Variants in BACH2 observed in about 807,000 individuals in gnomAD.
The protein encoded by BACH2 is transcription regulator protein BACH2.
In BACH2, 5 loss-of-function variants were observed where a neutral mutation model predicts 61.8. The observed-to-expected ratio is 0.08, with a 90% CI of 0.04 to 0.17. BACH2 has a LOEUF of 0.17. Ranked by LOEUF, BACH2 falls within the 10% of genes least tolerant of loss-of-function variation. The probability of loss-of-function intolerance (pLI) is 1.00; values close to 1 mark genes in which losing one functional copy is unlikely to be tolerated. For synonymous variants in BACH2, 446 were observed against 440.1 expected, an observed-to-expected ratio of 1.01 and a Z score of -0.17; for missense variants, 824 against 1,091.1, an observed-to-expected ratio of 0.76 and a Z score of 3.45.
rs953140197 is a variant in BACH2 at position 89,964,537 on chromosome 6, C to T, written c.244-12675G>A. 6.6e-5 allele frequency among the ~76,000 whole-genome samples: 10 copies of T among 152,208 alleles called. No homozygotes were observed. The East Asian group carries it at 1.4e-3, about 21-fold the overall frequency. ...TTCATGTTCTTTAAGATGATACTGC[C>T]GCTTTCTTCTAAAGATCTTCTCATG... On this transcript the variant is annotated intron_variant, in intron 6 of 8. Transcript: ENST00000257749.
At chr6:90,050,030 C>A (rs1488879075) in intron 5 of BACH2, among the ~76,000 whole-genome samples, 1 of 152,178 alleles carries the variant, frequency 6.6e-6, no homozygotes, top group Non-Finnish European at 1.5e-5. Context: ...TTTGTTGCCA[C>A]TGATAAAATC....
At chr6:90,273,032 C>T (rs1240794854) in intron 1 of BACH2, among the ~76,000 whole-genome samples, 2 of 152,116 alleles carry the variant, frequency 1.3e-5, no homozygotes, top group African/African-American at 4.8e-5. Context: ...AATCACAGTT[C>T]CACAACTTAA....
At chr6:89,959,622 C>T (rs116621819) in intron 6 of BACH2, among the ~76,000 whole-genome samples, 579 of 152,294 alleles carry the variant, frequency 3.8e-3, no homozygotes, top group African/African-American at 0.013. Context: ...ATCTCTGTAA[C>T]ACTACTTTAA....
At chr6:89,932,996 G>A (rs1772768260) in intron 8 of BACH2, 106 bp from the exon 9 acceptor site, 2 of 1,270,958 alleles carry the variant, frequency 1.6e-6, no homozygotes, top group South Asian at 1.6e-5. Context: ...CCATTATAAT[G>A]TAACTCAAGA....
intron 3 of BACH2, among the ~76,000 whole-genome samples, chr6:90,243,284 T>C (rs560593302): frequency 6.6e-6 from 1 of 152,266 alleles, no homozygotes; most frequent in South Asian, 2.1e-4. Flanking sequence ...CATTAAAGGT[T>C]ATGCAATTCT....
intron 4 of BACH2, among the ~76,000 whole-genome samples, chr6:90,095,242 T>A (rs1362897130): frequency 6.8e-6 from 1 of 147,240 alleles, no homozygotes; most frequent in African/African-American, 2.5e-5. Flanking sequence ...TTTTTTTTTT[T>A]AAACTCTTAT....
chr6:90,103,259 T>C (rs1317045012), intron 4 of BACH2, among the ~76,000 whole-genome samples: 1 of 151,708 alleles, frequency 6.6e-6, no homozygotes, highest in Admixed American at 6.6e-5. Flanking sequence ...ATGCTGCATC[T>C]GACTAATTGG....
chr6:90,274,216 C>A (rs760536070), intron 1 of BACH2, among the ~76,000 whole-genome samples: 1 of 152,158 alleles, frequency 6.6e-6, no homozygotes, highest in Non-Finnish European at 1.5e-5. Context: ...CAAGAACATA[C>A]GTTGATTCTA....
chr6:90,109,904 C>A (rs772638365), intron 4 of BACH2, among the ~76,000 whole-genome samples: 1 of 151,902 alleles, frequency 6.6e-6, no homozygotes, highest in Non-Finnish European at 1.5e-5. Flanking sequence ...TTGATATGTG[C>A]CATATTAGAA....
At chr6:90,069,521 T>A (rs888561453) in intron 5 of BACH2, among the ~76,000 whole-genome samples, 4 of 152,118 alleles carry the variant, frequency 2.6e-5, no homozygotes, top group African/African-American at 9.7e-5. Flanking sequence ...ATAAAGACAA[T>A]CAGTTGCTGT....
At chr6:90,069,897 G>C (rs1028489799) in intron 5 of BACH2, among the ~76,000 whole-genome samples, 1 of 152,166 alleles carries the variant, frequency 6.6e-6, no homozygotes, top group African/African-American at 2.4e-5. Context: ...ATGTGAGCAT[G>C]AGGTCAGGTC....
At chr6:90,265,160 C>T (rs977043582) in intron 2 of BACH2, among the ~76,000 whole-genome samples, 1 of 152,212 alleles carries the variant, frequency 6.6e-6, no homozygotes, top group Non-Finnish European at 1.5e-5. Flanking sequence ...GTAAAAGGTT[C>T]ACACATGGGG....
chr6:90,244,278 T>A (rs1464057046), intron 3 of BACH2, among the ~76,000 whole-genome samples: 1 of 152,242 alleles, frequency 6.6e-6, no homozygotes, highest in Admixed American at 6.5e-5. Flanking sequence ...AATACAGTAA[T>A]AGCTAACATT....
At chr6:90,175,797 G>A (rs1402214002) in intron 4 of BACH2, among the ~76,000 whole-genome samples, 1 of 152,054 alleles carries the variant, frequency 6.6e-6, no homozygotes, top group African/African-American at 2.4e-5. Context: ...AGCCCGGCTG[G>A]TAGCATGCCT....
At chr6:90,243,005 G>C (rs1443518545) in intron 3 of BACH2, among the ~76,000 whole-genome samples, 3 of 149,678 alleles carry the variant, frequency 2.0e-5, no homozygotes, top group Non-Finnish European at 4.4e-5. Context: ...TCAGCCTCCC[G>C]AGTCGCTTGG....
intron 5 of BACH2, among the ~76,000 whole-genome samples, chr6:90,049,105 C>T (rs1223511272): frequency 6.6e-6 from 1 of 152,166 alleles, no homozygotes; most frequent in African/African-American, 2.4e-5. Context: ...AAACCAACTC[C>T]ATATGCACCA....
chr6:90,195,544 G>A (rs1359330027), intron 4 of BACH2, among the ~76,000 whole-genome samples: 1 of 152,180 alleles, frequency 6.6e-6, no homozygotes, highest in Admixed American at 6.5e-5. Flanking sequence ...TAACAGATAA[G>A]ACAGAATTCG....
chr6:90,055,934 C>T (rs961147403), intron 5 of BACH2, among the ~76,000 whole-genome samples: 8 of 152,114 alleles, frequency 5.3e-5, no homozygotes, highest in African/African-American at 1.7e-4. Context: ...GAGATTTTGT[C>T]ACCACCAGGC....
chr6:90,206,357 G>A (rs1769144645), intron 4 of BACH2, among the ~76,000 whole-genome samples: 1 of 152,058 alleles, frequency 6.6e-6, no homozygotes, highest in Admixed American at 6.5e-5. Context: ...GAGGCCCCTG[G>A]CAAGTATAAA....
Sources: gnomAD v4.1 joint callset for allele counts (sites outside exome capture counted in the v4.1 genomes callset) on GRCh38, gnomAD v4.1.1 for gene constraint, MANE v1.5 for transcripts, NCBI Gene and HGNC (gene_info 2026-07-23, HGNC 2026-07-21) for gene names.